The following TBCCD1 variants were observed in gnomAD, a reference collection of about 807,000 sequenced individuals.
TBCCD1 encodes the protein TBCC domain-containing protein 1.
Under a neutral mutation model 53.4 loss-of-function variants are expected in TBCCD1, and 26 were observed. The ratio of observed to expected loss-of-function variants is 0.49; its 90% CI spans 0.36 to 0.68. The LOEUF is 0.68. Among genes scored for constraint, TBCCD1 ranks in the 30% least tolerant of loss-of-function variants. The probability of loss-of-function intolerance (pLI) is 0.00; values close to 1 mark genes in which losing one functional copy is unlikely to be tolerated. For missense variants in TBCCD1, 558 were observed against 669.5 expected, an observed-to-expected ratio of 0.83 and a Z score of 1.84; for synonymous variants, 245 against 241.7, an observed-to-expected ratio of 1.01 and a Z score of -0.13.
At chr3:186,569,480 G>A (rs1578979870), upstream of TBCCD1, among the ~76,000 whole-genome samples, 1 of 151,884 alleles carries the variant, frequency 6.6e-6, no homozygotes, top group South Asian at 2.1e-4. Context: ...CACCACACCT[G>A]GCTAATTTTT....
intron 6 of TBCCD1, among the ~76,000 whole-genome samples, chr3:186,551,838 G>T (rs1193833787): frequency 6.6e-6 from 1 of 152,128 alleles, no homozygotes; most frequent in African/African-American, 2.4e-5. Context: ...AGCCAGGCAT[G>T]GTAGCACATG....
intron 2 of TBCCD1, among the ~76,000 whole-genome samples, chr3:186,559,951 C>T (rs1345851712): frequency 6.6e-6 from 1 of 152,124 alleles, no homozygotes; most frequent in Non-Finnish European, 1.5e-5. Flanking sequence ...CTTCTTAGGC[C>T]CTTAGCAACC....
Position 186,556,519 on chromosome 3 carries a change from G to C in TBCCD1, c.749C>G (p.Thr250Ser), listed in dbSNP as rs1204400199. 1 of 1,612,688 alleles carries C rather than the reference G, an allele frequency of 6.2e-7. No homozygotes were observed. The highest frequency in any genetic ancestry group is 8.5e-7 in the Non-Finnish European group (1 of 1,179,780). ...GGTTTCCAGTTTGTAGAAAGAGAAA[G>C]TCTTAGAGATCTTTGAGAAGCCACT... ...ADSGFSKISK[T>S]FSFYKLETWL... is the part of the protein sequence containing the mutation. The change falls in exon 4 of 8, where the codon ACT becomes AGT. Residue 250 changes from threonine (T) to serine (S), a missense_variant. Coordinates refer to ENST00000338733, the MANE Select transcript of TBCCD1 (RefSeq NM_018138.5).
At chr3:186,562,973 C>T (rs1054590086) in intron 2 of TBCCD1, among the ~76,000 whole-genome samples, 2 of 152,176 alleles carry the variant, frequency 1.3e-5, no homozygotes, top group African/African-American at 2.4e-5. Flanking sequence ...TGGACAAATG[C>T]CATAGCAAAA....
At chr3:186,548,231 T>C (rs991190810) in intron 7 of TBCCD1, among the ~76,000 whole-genome samples, 7 of 152,334 alleles carry the variant, frequency 4.6e-5, no homozygotes, top group Admixed American at 1.3e-4. Flanking sequence ...TGGATGAATC[T>C]TGAAAACACT....
At chr3:186,558,711 T>G in intron 2 of TBCCD1, 139 bp from the exon 3 acceptor site, 1 of 824,732 alleles carries the variant, frequency 1.2e-6, no homozygotes, top group Non-Finnish European at 1.9e-6. Context: ...TTTTGATATG[T>G]ATGTCTCTGG....
At chr3:186,564,517 C>A in intron 1 of TBCCD1, 145 bp from the exon 2 acceptor site, 1 of 547,964 alleles carries the variant, frequency 1.8e-6, no homozygotes, top group Non-Finnish European at 3.1e-6. Flanking sequence ...CAACCAAGAG[C>A]AGAACAGTTT....
chr3:186,553,825 C>T (rs111314352), intron 6 of TBCCD1, among the ~76,000 whole-genome samples: 1 of 152,108 alleles, frequency 6.6e-6, no homozygotes, highest in South Asian at 2.1e-4. Flanking sequence ...AATTTGAAAT[C>T]CAAACCTTAA....
Position 186,554,546 on chromosome 3 carries a change from G to C in TBCCD1, c.1252C>G (p.Pro418Ala), listed in dbSNP as rs1270080481. Reference protein sequence around the residue: ...LSGNQTVTFAPFHTHYPMLED... With the variant: ...LSGNQTVTFAAFHTHYPMLED... ...AGCATTGGGTAATGTGTATGAAAAGGGGCAAAAGTTACTGTCTGGTTCCCA... is the reference window on the plus strand; with the variant it reads ...AGCATTGGGTAATGTGTATGAAAAGCGGCAAAAGTTACTGTCTGGTTCCCA... The change falls in exon 6 of 8, where the codon CCT becomes GCT. Residue 418 changes from proline (P) to alanine (A), a missense_variant. Physicochemically the swap from Pro to Ala is conservative, Grantham distance 27 (BLOSUM62 -1). Transcript: ENST00000338733. 2 of 1,614,106 alleles carry C rather than the reference G, an allele frequency of 1.2e-6. No homozygotes were observed. The highest frequency in any genetic ancestry group is 1.7e-6 in the Non-Finnish European group (2 of 1,180,050).
chr3:186,548,905 G>A (rs528001116), intron 7 of TBCCD1, among the ~76,000 whole-genome samples: 27 of 152,202 alleles, frequency 1.8e-4, no homozygotes, highest in African/African-American at 6.5e-4. Context: ...ATGTTAACTA[G>A]CTTGATTTGG....
At chr3:186,570,368 G>A (rs1714982589), upstream of TBCCD1, 1 of 500,552 alleles carries the variant, frequency 2.0e-6, no homozygotes, top group African/African-American at 1.9e-5. Flanking sequence ...ACAATTGGTT[G>A]GTGCTGGGGA....
chr3:186,560,287 G>C (rs998870), intron 2 of TBCCD1, among the ~76,000 whole-genome samples: 4,543 of 152,212 alleles, frequency 0.03, 252 homozygotes, highest in African/African-American at 0.1. Context: ...GTACATAGTA[G>C]ATAATAAATA....
chr3:186,552,111 G>A (rs528407472), intron 6 of TBCCD1, among the ~76,000 whole-genome samples: 1 of 152,294 alleles, frequency 6.6e-6, no homozygotes, highest in East Asian at 1.9e-4. Context: ...GAGAAAGAAT[G>A]GAGAGAGATG....
At chr3:186,562,739 T>C (rs2108463393) in intron 2 of TBCCD1, among the ~76,000 whole-genome samples, 1 of 146,022 alleles carries the variant, frequency 6.8e-6, no homozygotes, top group Admixed American at 6.9e-5. Context: ...AGGGGGAACC[T>C]ATGGGGGGTG....
chr3:186,566,487 A>T (rs1307439397), intron 1 of TBCCD1, among the ~76,000 whole-genome samples: 1 of 152,178 alleles, frequency 6.6e-6, no homozygotes, highest in Non-Finnish European at 1.5e-5. Flanking sequence ...ACAGTACTTA[A>T]GACTGTACAC....
chr3:186,549,423 G>A (rs1714306671), intron 7 of TBCCD1, among the ~76,000 whole-genome samples: 2 of 152,156 alleles, frequency 1.3e-5, no homozygotes, highest in Non-Finnish European at 2.9e-5. Flanking sequence ...TGTAATCCCA[G>A]CACTTTGGGA....
In TBCCD1 at chr3:186,551,184, G is replaced by T. The variant is rs768342545; in HGVS notation, c.1640C>A (p.Pro547His). The change falls in exon 7 of 8, where the codon CCC (proline) becomes CAC (histidine). Residue 547 changes from proline to histidine, a missense_variant. Physicochemically the swap from Pro to His is moderately conservative, Grantham distance 77 (BLOSUM62 -2). Transcript: ENST00000338733. Reference sequence around the variant, plus strand: ...TGCTTGTTTGGAGCCTGCTGCAGGGGGTACAAGGCTGTCCAGCTGTTGGCG... The same window carrying T: ...TGCTTGTTTGGAGCCTGCTGCAGGGTGTACAAGGCTGTCCAGCTGTTGGCG... ...GHRQQLDSLV[P>H]PAAGSKQAAG 1.9e-6 allele frequency: 3 copies of T among 1,612,230 alleles called. No homozygotes were observed. The highest frequency in any genetic ancestry group is 1.7e-5 in the Admixed American group (1 of 59,984).
intron 2 of TBCCD1, among the ~76,000 whole-genome samples, chr3:186,561,663 C>T (rs1465319001): frequency 1.3e-5 from 2 of 152,186 alleles, no homozygotes; most frequent in African/African-American, 2.4e-5. Flanking sequence ...GTGGTGGGTG[C>T]CTGTAGTCCC....
chr3:186,549,938 T>C lies in TBCCD1; in HGVS notation c.*21+1191A>G, dbSNP rs977134570. The stretch of plus-strand genomic sequence containing the variant: ...GTTTTCTATTGCTAGCATTTAAAAA[T>C]ACTTTAGGCCAGTTCCGGTGGCTCA... On this transcript the variant is annotated intron_variant, in intron 7 of 7. Transcript: ENST00000338733. Among the ~76,000 whole-genome samples, 12 of 152,304 alleles carry C rather than the reference T, an allele frequency of 7.9e-5. No homozygotes were observed. In the East Asian group the frequency reaches 2.1e-3, roughly 27 times the overall value.
Sources: allele counts gnomAD v4.1 joint callset (sites outside exome capture counted in the v4.1 genomes callset), GRCh38; gene constraint gnomAD v4.1.1; transcripts MANE v1.5; gene names NCBI Gene and HGNC (gene_info 2026-07-23, HGNC 2026-07-21).